Variants in APBB2 observed in about 807,000 individuals in gnomAD.
APBB2 encodes amyloid beta precursor protein binding family B member 2, also known as Fe65-like 1.
In APBB2, 38 loss-of-function variants were observed where a neutral mutation model predicts 82.5. That is an observed-to-expected ratio of 0.46 (90% CI 0.36 to 0.60). The LOEUF (loss-of-function observed/expected upper bound fraction) is 0.60, where lower values mean the gene tolerates loss of function less well. Ranked by LOEUF, APBB2 falls within the 20% of genes least tolerant of loss-of-function variation. APBB2 has a pLI of 0.00. For missense variants in APBB2, 772 were observed against 972.3 expected (o/e 0.79, Z 2.74); for synonymous variants, 341 against 368.2 (o/e 0.93, Z 0.85).
In APBB2 at chr4:41,127,288, C is replaced by T. The variant is rs941377897; in HGVS notation, c.-261+15699G>A. ...GGGGAAACCCAAAGATTTCTAAGCA[C>T]CAGTTGCCAGTCCACATTTTATAAG... is the stretch of plus-strand genomic sequence containing the variant. On this transcript the variant is annotated intron_variant, in intron 2 of 17. Coordinates refer to ENST00000508593, the MANE Select transcript of APBB2 (RefSeq NM_004307.2). This position sits in a 1 kb window ranked among gnomAD's most constrained non-coding sequence, Gnocchi z 4.8. 3.9e-5 allele frequency among the ~76,000 whole-genome samples: 6 copies of T among 152,290 alleles called. No homozygotes were observed. The South Asian group carries it at 1.2e-3, about 32-fold the overall frequency.
intron 6 of APBB2, among the ~76,000 whole-genome samples, chr4:40,998,391 TATAA>T (rs77041775): frequency 0.042 from 6,362 of 152,284 alleles, 270 homozygotes; most frequent in African/African-American, 0.11. Context: ...TAGATTTTAA[TATAA>T]GAGTGCAAAC....
chr4:40,883,622 C>A (rs914360822), intron 12 of APBB2, among the ~76,000 whole-genome samples: 1 of 150,418 alleles, frequency 6.6e-6, no homozygotes, highest in African/African-American at 2.4e-5. Context: ...CTTAACTCTA[C>A]GGAACAGTAG....
intron 10 of APBB2, among the ~76,000 whole-genome samples, chr4:40,905,300 C>A (rs1003154406): frequency 2.0e-5 from 3 of 152,158 alleles, no homozygotes; most frequent in Admixed American, 6.5e-5. Context: ...AATACTAACC[C>A]CATCCCCTGC....
chr4:41,152,409 GCCT>G (rs144451672), intron 1 of APBB2, among the ~76,000 whole-genome samples: 6,224 of 151,210 alleles, frequency 0.041, 140 homozygotes, highest in Middle Eastern at 0.058. Context: ...TACAAGCTCC[GCCT>G]CCTGCGTTCA....
At chr4:41,209,323 C>T (rs1365908401) in intron 1 of APBB2, among the ~76,000 whole-genome samples, 2 of 152,150 alleles carry the variant, frequency 1.3e-5, no homozygotes, top group Non-Finnish European at 2.9e-5. Flanking sequence ...CTCTCTGCCC[C>T]ATCGCAGCTT....
At chr4:40,930,579 A>G (rs1783984247) in intron 10 of APBB2, among the ~76,000 whole-genome samples, 1 of 152,140 alleles carries the variant, frequency 6.6e-6, no homozygotes, top group Admixed American at 6.5e-5. Context: ...TAGTAGCTGA[A>G]GAGGATTTGG....
rs766052000 is a variant in APBB2, at chr4:41,014,484, A to G, written c.20-86T>C. The G allele has an allele frequency of 2.8e-5, 36 of 1,271,324 alleles. No individual in the cohort carries two copies. In the South Asian group the frequency reaches 3.5e-4, roughly 12 times the overall value. 78.8% of individuals were successfully genotyped at this position (1,271,324 alleles called of 1,614,324 possible). ...AGTAAATATTTTTATATAGAAAACT[A>G]AAAGAAGAAATGCTTCCACTGCACA... On this transcript the variant is annotated intron_variant, in intron 5 of 17. Transcript: ENST00000508593.
At chr4:40,866,938 C>G (rs984161544) in intron 12 of APBB2, among the ~76,000 whole-genome samples, 1 of 152,092 alleles carries the variant, frequency 6.6e-6, no homozygotes, top group African/African-American at 2.4e-5. Context: ...GTTTCCCGTG[C>G]AGAGATGGGG....
chr4:40,918,744 C>T (rs1370171133), intron 10 of APBB2, among the ~76,000 whole-genome samples: 1 of 140,578 alleles, frequency 7.1e-6, no homozygotes, highest in Non-Finnish European at 1.5e-5. Flanking sequence ...CTCCCTCCTT[C>T]CTTATTTTTT....
intron 5 of APBB2, among the ~76,000 whole-genome samples, chr4:41,032,778 CTTTTTTTTT>C (rs11421268): frequency 5.9e-5 from 5 of 84,316 alleles, no homozygotes; most frequent in South Asian, 5.5e-4. Context: ...ATTTTTCTTT[CTTTTTTTTT>C]TTTTTTTTTT....
chr4:41,110,197 C>A (rs1748689134), intron 2 of APBB2, among the ~76,000 whole-genome samples: 1 of 152,230 alleles, frequency 6.6e-6, no homozygotes, highest in Non-Finnish European at 1.5e-5. Flanking sequence ...GAATGCAAGG[C>A]CCGTGGCTGC....
intron 4 of APBB2, among the ~76,000 whole-genome samples, chr4:41,053,967 G>A (rs1260578843): frequency 2.0e-5 from 3 of 152,194 alleles, no homozygotes; most frequent in Non-Finnish European, 2.9e-5. Flanking sequence ...TAACATCTGC[G>A]TCTTCATATC....
intron 1 of APBB2, among the ~76,000 whole-genome samples, chr4:41,165,624 G>T (rs1766318377): frequency 6.6e-6 from 1 of 152,052 alleles, no homozygotes; most frequent in South Asian, 2.1e-4. Flanking sequence ...TTCCAGAGCG[G>T]AACTCTCACC....
chr4:41,008,909 TTC>T (rs1004493422), intron 6 of APBB2, among the ~76,000 whole-genome samples: 33 of 152,366 alleles, frequency 2.2e-4, no homozygotes, highest in Non-Finnish European at 3.7e-4. Context: ...GGACTTGGTT[TTC>T]TCTGTGTATA....
chr4:40,836,557 C>T (rs1754021464), intron 12 of APBB2, among the ~76,000 whole-genome samples: 1 of 152,144 alleles, frequency 6.6e-6, no homozygotes, highest in South Asian at 2.1e-4. Flanking sequence ...CATTTAGAGG[C>T]CTTGTTTGAG....
At chr4:41,108,459 C>T (rs1381168287) in intron 2 of APBB2, among the ~76,000 whole-genome samples, 4 of 152,066 alleles carry the variant, frequency 2.6e-5, no homozygotes, top group African/African-American at 9.7e-5. Context: ...AAAAGAGACC[C>T]GTGGAAGAGG....
chr4:40,930,677 T>A (rs1784015209), intron 10 of APBB2, among the ~76,000 whole-genome samples: 1 of 152,198 alleles, frequency 6.6e-6, no homozygotes, highest in Non-Finnish European at 1.5e-5. Flanking sequence ...ATATTTTCTA[T>A]AATAACTTTT....
At chr4:41,069,640 G>A (rs1465344856) in intron 3 of APBB2, among the ~76,000 whole-genome samples, 1 of 152,208 alleles carries the variant, frequency 6.6e-6, no homozygotes, top group Non-Finnish European at 1.5e-5. Flanking sequence ...ACTCATCTCT[G>A]TATCCTCGGG....
chr4:41,181,242 G>A (rs1217502845), intron 1 of APBB2, among the ~76,000 whole-genome samples: 1 of 152,148 alleles, frequency 6.6e-6, no homozygotes, highest in Non-Finnish European at 1.5e-5. Context: ...AGTTGGGGAA[G>A]TTGCCAGGGG....
Sources: gnomAD v4.1 joint callset for allele counts (sites outside exome capture counted in the v4.1 genomes callset) on GRCh38, gnomAD v4.1.1 for gene constraint, Gnocchi (gnomAD v3.1) non-coding constraint, MANE v1.5 for transcripts, NCBI Gene and HGNC (gene_info 2026-07-23, HGNC 2026-07-21) for gene names.